The following STRIP2 variants were observed in gnomAD, a reference collection of about 807,000 sequenced individuals.
The protein encoded by STRIP2 is striatin-interacting protein 2.
In STRIP2, 84 loss-of-function variants were observed where a neutral mutation model predicts 107.1. That is an observed-to-expected ratio of 0.78 (90% CI 0.66 to 0.94). The LOEUF (loss-of-function observed/expected upper bound fraction) is 0.94, where lower values mean the gene tolerates loss of function less well. Among genes scored for constraint, STRIP2 ranks in the 40% least tolerant of loss-of-function variants. The pLI is 0.00. For missense variants in STRIP2, 888 were observed against 1,034.2 expected (o/e 0.86, Z 1.94); for synonymous variants, 394 against 400.4 (o/e 0.98, Z 0.19).
intron 15 of STRIP2, 132 bp from the exon 16 acceptor site, chr7:129,464,480 C>A: frequency 1.0e-6 from 1 of 961,764 alleles, no homozygotes. Context: ...TGGAGGTTTC[C>A]CTGGCACAGA....
In STRIP2 at chr7:129,485,590, A is replaced by C; in HGVS notation, c.2266A>C (p.Arg756=). Reference sequence around the variant, plus strand: ...TCTTTCCAACACAGACATCGATGCCAGACCATGGGACTTCCAAGCAGAAGA... The same window carrying C: ...TCTTTCCAACACAGACATCGATGCCCGACCATGGGACTTCCAAGCAGAAGA... ...DWAYGNDIDA[R]PWDFQAEECT... Residue 756 remains arginine, a synonymous_variant, in exon 21 of 21, where the codon AGA becomes CGA. Coordinates refer to ENST00000249344, the MANE Select transcript of STRIP2 (RefSeq NM_020704.3). 6.2e-7 allele frequency: 1 copy of C among 1,613,908 alleles called. No homozygotes were observed. Among genetic ancestry groups the C allele is most frequent in the Non-Finnish European group, 8.5e-7 (1 of 1,179,980 alleles).
intron 14 of STRIP2, 49 bp downstream of exon 14, chr7:129,463,089 G>GACAGCTAAAA (rs756999159): frequency 1.4e-5 from 21 of 1,510,068 alleles, no homozygotes; most frequent in Non-Finnish European, 1.9e-5. Flanking sequence ...GCAAGGAACA[G>GACAGCTAAAA]ACAGCTAAAA....
chr7:129,467,230 A>T (rs1291895663), intron 16 of STRIP2, 120 bp from the exon 17 acceptor site: 1 of 725,934 alleles, frequency 1.4e-6, no homozygotes. Flanking sequence ...CTGATAACAC[A>T]AGTGGATAGT....
intron 4 of STRIP2, 149 bp from the exon 5 acceptor site, chr7:129,453,078 C>A: frequency 9.9e-7 from 1 of 1,014,976 alleles, no homozygotes; most frequent in Non-Finnish European, 1.4e-6. Context: ...CTGACTCATT[C>A]CAGGAAGTTC....
rs763439477 is a variant in STRIP2 at position 129,455,335 on chromosome 7, A to C, written c.798A>C (p.Ile266=). 6.2e-7 allele frequency: 1 copy of C among 1,613,796 alleles called. No homozygotes were observed. Among genetic ancestry groups the C allele is most frequent in the South Asian group, 1.1e-5 (1 of 91,024 alleles). ...GTGGCCTGGCTCCTCACTTCCCCAT[A>C]AAGAAGGTCCTGCTCCTGCTCTGGA... is the stretch of plus-strand genomic sequence containing the variant. ...FCSGLAPHFP[I]KKVLLLLWKV... The change falls in exon 8 of 21, where the codon ATA becomes ATC. Residue 266 remains isoleucine, a synonymous_variant. Transcript: ENST00000249344.
intron 2 of STRIP2, among the ~76,000 whole-genome samples, chr7:129,441,475 A>G (rs1303535585): frequency 1.3e-5 from 2 of 152,274 alleles, no homozygotes; most frequent in African/African-American, 4.8e-5. Context: ...AATGCTCATC[A>G]GTAGGGAAAT....
intron 3 of STRIP2, 76 bp from the exon 4 acceptor site, chr7:129,451,537 T>A: frequency 6.5e-7 from 1 of 1,548,896 alleles, no homozygotes; most frequent in Non-Finnish European, 8.8e-7. Flanking sequence ...AGATCAGAGG[T>A]GGATATGCTA....
intron 16 of STRIP2, among the ~76,000 whole-genome samples, chr7:129,466,003 T>G (rs1028793192): frequency 3.9e-5 from 6 of 152,242 alleles, no homozygotes; most frequent in Admixed American, 2.0e-4. Context: ...TGGGTATGTT[T>G]CATTGCCCTG....
intron 3 of STRIP2, among the ~76,000 whole-genome samples, chr7:129,447,983 T>C (rs957172557): frequency 6.6e-6 from 1 of 152,208 alleles, no homozygotes; most frequent in Non-Finnish European, 1.5e-5. Context: ...GGATGTGATA[T>C]TGTTTTTGAC....
Position 129,483,843 on chromosome 7 carries a change from C to T in STRIP2, c.2254+797C>T, listed in dbSNP as rs1311230247. Among the ~76,000 whole-genome samples, 1 of 152,106 alleles carries T rather than the reference C, an allele frequency of 6.6e-6. No individual in the cohort carries two copies. The highest frequency in any genetic ancestry group is 1.5e-5 in the Non-Finnish European group (1 of 68,014). ...CACTGCAGCCTCGACTTCCTGGGCT[C>T]AAGTGATCCTCCCAGCTGCCAAGTA... On this transcript the variant is annotated intron_variant, in intron 20 of 20. Coordinates refer to ENST00000249344, the MANE Select transcript of STRIP2 (RefSeq NM_020704.3). This position sits in a 1 kb window ranked among gnomAD's most constrained non-coding sequence, Gnocchi z 5.1.
At position 129,458,596 on chromosome 7, in the gene STRIP2, C is replaced by T. The variant is rs1446275030; in HGVS notation, c.1275-116C>T. 7.6e-7 allele frequency: 1 copy of T among 1,310,528 alleles called. No individual in the cohort carries two copies. 81.2% of individuals were successfully genotyped at this position (1,310,528 alleles called of 1,614,324 possible). A position where few individuals can be genotyped will look rare whatever the true frequency, so the allele number is the denominator to read the frequency against. On this transcript the variant is annotated intron_variant, in intron 10 of 20. Transcript: ENST00000249344. This position sits in a 1 kb window ranked among gnomAD's most constrained non-coding sequence, Gnocchi z 4.6. ...TTGAAATTCCTTCTGTTGATTGCTG[C>T]CTTTTTCCACTGCTCCAGTCCTCTG...
At chr7:129,464,414 C>CGG (rs1798620917) in intron 15 of STRIP2, among the ~76,000 whole-genome samples, 198 bp from the exon 16 acceptor site, 1 of 151,884 alleles carries the variant, frequency 6.6e-6, no homozygotes, top group Non-Finnish European at 1.5e-5. Flanking sequence ...AAAAGAGAGA[C>CGG]GGAAACAAAG....
intron 1 of STRIP2, among the ~76,000 whole-genome samples, chr7:129,438,510 A>G (rs1182949127): frequency 6.6e-6 from 1 of 152,196 alleles, no homozygotes; most frequent in African/African-American, 2.4e-5. Context: ...AAATAACCCT[A>G]TGAAGTAAGT....
chr7:129,479,210 G>T (rs1458170714), intron 18 of STRIP2, among the ~76,000 whole-genome samples: 2 of 151,356 alleles, frequency 1.3e-5, no homozygotes, highest in Admixed American at 6.6e-5. Context: ...GGAGGCAGAG[G>T]TTGCAGTGAG....
At position 129,451,656 on chromosome 7, in the gene STRIP2, G is replaced by C. The variant is rs766783167; in HGVS notation, c.318G>C (p.Lys106Asn). The C allele has an allele frequency of 5.0e-6, 8 of 1,614,038 alleles. No individual in the cohort carries two copies. In the Admixed American group the frequency reaches 1.3e-4, roughly 27 times the overall value. ...EWLELEEDAQ[K>N]AYIMGLLDRL... is the part of the protein sequence containing the mutation. Reference sequence around the variant, plus strand: ...TGGAGTTGGAAGAAGATGCCCAAAAGGCCTATATAATGGGACTCTTGGACC... The same window carrying C: ...TGGAGTTGGAAGAAGATGCCCAAAACGCCTATATAATGGGACTCTTGGACC... The change falls in exon 4 of 21, where the codon AAG becomes AAC. Residue 106 changes from lysine to asparagine, a missense_variant. By Grantham distance (94) the Lys-to-Asn change is moderately conservative. Transcript: ENST00000249344.
chr7:129,434,538 C>T lies in STRIP2; in HGVS notation c.66C>T (p.Gly22=). The change falls in exon 1 of 21, where the codon GGC becomes GGT. Residue 22 remains glycine (G), a synonymous_variant. Coordinates refer to ENST00000249344, the MANE Select transcript of STRIP2 (RefSeq NM_020704.3). ...CAAATGGCAATGGCAACGGCGGCGG[C>T]AAAGGGAAGCAGGCGGCGCCCAAGG... ...PPANGNGNGG[G]KGKQAAPKGR... The T allele has an allele frequency of 6.6e-7, 1 of 1,517,952 alleles. No homozygotes were observed. Among genetic ancestry groups the T allele is most frequent in the African/African-American group, 1.4e-5 (1 of 70,312 alleles). 94.0% of individuals were successfully genotyped at this position (1,517,952 alleles called of 1,614,324 possible).
intron 18 of STRIP2, among the ~76,000 whole-genome samples, chr7:129,479,274 CAAA>C (rs10558220): frequency 1.9e-4 from 26 of 135,676 alleles, no homozygotes; most frequent in Admixed American, 2.2e-4. Flanking sequence ...AACTCTGTCT[CAAA>C]AAAAAAAAAA....
chr7:129,435,873 T>A (rs1346946937), intron 1 of STRIP2, among the ~76,000 whole-genome samples: 1 of 152,184 alleles, frequency 6.6e-6, no homozygotes, highest in East Asian at 1.9e-4. Context: ...GCATTTCAGT[T>A]TCCAAAGTGA....
In STRIP2 at chr7:129,462,979, T is replaced by C. The variant is rs943830784; in HGVS notation, c.1490T>C (p.Val497Ala). 6.2e-7 allele frequency: 1 copy of C among 1,614,048 alleles called. No homozygotes were observed. The highest frequency in any genetic ancestry group is 8.5e-7 in the Non-Finnish European group (1 of 1,179,938). Residue 497 changes from valine to alanine, a missense_variant, in exon 14 of 21, where the codon GTA (valine) becomes GCA (alanine). By Grantham distance (64) the Val-to-Ala change is moderately conservative. Transcript: ENST00000249344. ...KCPMSLGEEVVPETPCEILYQ... is the reference protein window; with the variant it reads ...KCPMSLGEEVAPETPCEILYQ... ...TTCTTGCCATAGGGGGAAGAGGTGGTACCAGAGACGCCATGTGAAATCCTC... is the reference window on the plus strand; with the variant it reads ...TTCTTGCCATAGGGGGAAGAGGTGGCACCAGAGACGCCATGTGAAATCCTC...
Sources: allele counts gnomAD v4.1 joint callset (sites outside exome capture counted in the v4.1 genomes callset), GRCh38; gene constraint gnomAD v4.1.1; non-coding constraint Gnocchi (gnomAD v3.1); transcripts MANE v1.5; gene names NCBI Gene and HGNC (gene_info 2026-07-23, HGNC 2026-07-21).